The following TMED6 variants were observed in gnomAD, a reference collection of about 807,000 sequenced individuals.
TMED6 encodes transmembrane p24 trafficking protein 6.
TMED6 carries 17 observed loss-of-function variants against 26.5 expected under a neutral mutation model. The observed-to-expected ratio is 0.64, with a 90% confidence interval of 0.44 to 0.96. The LOEUF (loss-of-function observed/expected upper bound fraction) is 0.96, where lower values mean the gene tolerates loss of function less well. Ranked by LOEUF, TMED6 falls within the 40% of genes least tolerant of loss-of-function variation. The pLI is 0.00. For synonymous variants in TMED6, 107 were observed against 106.2 expected (o/e 1.01, Z -0.04); for missense variants, 309 against 296.5 (o/e 1.04, Z -0.31).
chr16:69,348,833 G>A (rs1028277207), intron 2 of TMED6, among the ~76,000 whole-genome samples: 2 of 151,944 alleles, frequency 1.3e-5, no homozygotes, highest in African/African-American at 2.4e-5. Flanking sequence ...CAGGCTGGTC[G>A]CAAACTCCTG....
At chr16:69,350,854 A>G (rs951519660) in intron 1 of TMED6, among the ~76,000 whole-genome samples, 1 of 152,230 alleles carries the variant, frequency 6.6e-6, no homozygotes, top group African/African-American at 2.4e-5. Context: ...TAAGATCAAC[A>G]AAGTCTATTA....
intron 2 of TMED6, 189 bp from the exon 3 acceptor site, chr16:69,348,125 A>G: frequency 1.8e-6 from 1 of 545,918 alleles, no homozygotes; most frequent in Non-Finnish European, 3.0e-6. Flanking sequence ...AATATTACTT[A>G]TTATATTTGG....
intron 3 of TMED6, among the ~76,000 whole-genome samples, chr16:69,346,787 T>C (rs1417200534): frequency 6.6e-6 from 1 of 151,948 alleles, no homozygotes; most frequent in African/African-American, 2.4e-5. Flanking sequence ...AGTCACAAAA[T>C]CCCATGTACT....
chr16:69,346,969 T>C (rs2012695893), intron 3 of TMED6, among the ~76,000 whole-genome samples: 1 of 151,784 alleles, frequency 6.6e-6, no homozygotes, highest in African/African-American at 2.4e-5. Flanking sequence ...GCGCAGGAGG[T>C]TGAGGCTGCA....
At chr16:69,349,287 T>C (rs930728167) in intron 2 of TMED6, among the ~76,000 whole-genome samples, 4 of 152,214 alleles carry the variant, frequency 2.6e-5, no homozygotes, top group African/African-American at 9.6e-5. Flanking sequence ...GATGATGAGA[T>C]AAAATTGAGC....
intron 3 of TMED6, among the ~76,000 whole-genome samples, chr16:69,345,818 A>G (rs1235445216): frequency 6.6e-6 from 1 of 151,912 alleles, no homozygotes; most frequent in African/African-American, 2.4e-5. Flanking sequence ...TGGGACCACA[A>G]GTATGTGCCA....
intron 3 of TMED6, among the ~76,000 whole-genome samples, chr16:69,346,282 A>G (rs1016153856): frequency 2.6e-5 from 4 of 152,264 alleles, no homozygotes; most frequent in Admixed American, 6.5e-5. Context: ...AAAAACTTGC[A>G]TGCAAATGTC....
chr16:69,348,093 A>G (rs1272680340), intron 2 of TMED6, 157 bp from the exon 3 acceptor site: 22 of 747,882 alleles, frequency 2.9e-5, no homozygotes, highest in Non-Finnish European at 4.0e-5. Flanking sequence ...GAAGACACGG[A>G]CCTTATGTTA....
intron 1 of TMED6, among the ~76,000 whole-genome samples, chr16:69,350,490 C>A (rs939938384): frequency 9.2e-5 from 14 of 151,798 alleles, no homozygotes; most frequent in Admixed American, 8.5e-4. Flanking sequence ...AGTAGAGATG[C>A]GTTTTCACCA....
chr16:69,345,871 A>C lies in TMED6; in HGVS notation c.489+1917T>G, dbSNP rs146544469. Among the ~76,000 whole-genome samples, 26 of 152,180 alleles carry C rather than the reference A, an allele frequency of 1.7e-4. No homozygotes were observed. In the East Asian group the frequency reaches 4.8e-3, roughly 28 times the overall value. On this transcript the variant is annotated intron_variant, in intron 3 of 3. Coordinates refer to ENST00000288025, the MANE Select transcript of TMED6 (RefSeq NM_144676.4). Reference sequence around the variant, plus strand: ...AAAAAGTTGTTTTGTTTGTAGAGACAGGGTCTTACCATGTTTCCCAGGCTA... The same window carrying C: ...AAAAAGTTGTTTTGTTTGTAGAGACCGGGTCTTACCATGTTTCCCAGGCTA...
chr16:69,343,440 T>G lies in TMED6; in HGVS notation c.690A>C (p.Pro230=), dbSNP rs1369150032. ...TTGGCTTCTTTGTATCTGTAGTTGT[T>G]GGAACATTGAAGAGACGCTTCAAGA... The part of the protein sequence containing the change: ...LYFLKRLFNV[P]TTTDTKKPRC The change falls in exon 4 of 4, where the codon CCA becomes CCC. Residue 230 remains proline (P), a synonymous_variant. Coordinates refer to ENST00000288025, the MANE Select transcript of TMED6 (RefSeq NM_144676.4). 1.9e-6 allele frequency: 3 copies of G among 1,614,074 alleles called. No homozygotes were observed. The highest frequency in any genetic ancestry group is 1.7e-6 in the Non-Finnish European group (2 of 1,180,042).
chr16:69,349,594 G>A lies in TMED6; in HGVS notation c.271C>T (p.Pro91Ser). The change falls in exon 2 of 4, where the codon CCA (proline) becomes TCA (serine). Residue 91 changes from proline (P) to serine (S), a missense_variant. Physicochemically the swap from Pro to Ser is moderately conservative, Grantham distance 74 (BLOSUM62 -1). Coordinates refer to ENST00000288025, the MANE Select transcript of TMED6 (RefSeq NM_144676.4). ...GAGGTGTCTATGAGAAATCCCTGTG[G>A]GTTATGTGCCGTGGCAGCAACATGC... is the stretch of plus-strand genomic sequence containing the variant. ...DRHVAATAHN[P>S]QGFLIDTSQG... 1.9e-6 allele frequency: 3 copies of A among 1,613,990 alleles called. No individual in the cohort carries two copies. Among genetic ancestry groups the A allele is most frequent in the Non-Finnish European group, 2.5e-6 (3 of 1,179,956 alleles).
At chr16:69,349,410 G>T in intron 2 of TMED6, 115 bp downstream of exon 2, 1 of 1,333,578 alleles carries the variant, frequency 7.5e-7, no homozygotes, top group Non-Finnish European at 1.0e-6. Flanking sequence ...GGTTTTTGGT[G>T]TTAAAGGCTG....
chr16:69,347,352 C>G (rs1395361068), intron 3 of TMED6, among the ~76,000 whole-genome samples: 3 of 152,142 alleles, frequency 2.0e-5, no homozygotes, highest in South Asian at 2.1e-4. Flanking sequence ...GATGGAATTT[C>G]AAGAGCTTCA....
intron 3 of TMED6, among the ~76,000 whole-genome samples, chr16:69,346,041 G>A (rs1016100166): frequency 5.3e-5 from 8 of 152,240 alleles, no homozygotes; most frequent in East Asian, 1.9e-4. Context: ...CAATACGCAC[G>A]TGAAAAGATG....
chr16:69,346,147 G>A (rs1225236302), intron 3 of TMED6, among the ~76,000 whole-genome samples: 1 of 152,200 alleles, frequency 6.6e-6, no homozygotes, highest in African/African-American at 2.4e-5. Context: ...AAGTGTTGAT[G>A]AGGAAGTAGA....
intron 2 of TMED6, 104 bp downstream of exon 2, chr16:69,349,421 A>T: frequency 5.7e-6 from 8 of 1,413,986 alleles, no homozygotes; most frequent in Non-Finnish European, 6.6e-6. Flanking sequence ...TTAAAGGCTG[A>T]ATTTTTTTCC....
At position 69,343,493 on chromosome 16, in the gene TMED6, T is replaced by C. The variant is rs773665936; in HGVS notation, c.637A>G (p.Ile213Val). The change falls in exon 4 of 4, where the codon ATT becomes GTT. Residue 213 changes from isoleucine to valine, a missense_variant. By Grantham distance (29) the Ile-to-Val change is conservative. Coordinates refer to ENST00000288025, the MANE Select transcript of TMED6 (RefSeq NM_144676.4). ...WWSTAQSLVI[I>V]LSGILQLYFL... ...TACAGTTGCAGGATCCCAGAAAGAA[T>C]AATAACAAGGCTCTGGGCTGTCGAC... 8.1e-6 allele frequency: 13 copies of C among 1,614,072 alleles called. No homozygotes were observed. Among genetic ancestry groups the C allele is most frequent in the Non-Finnish European group, 1.1e-5 (13 of 1,180,040 alleles).
At chr16:69,350,141 G>T (rs1172205) in intron 1 of TMED6, among the ~76,000 whole-genome samples, 1 of 151,536 alleles carries the variant, frequency 6.6e-6, no homozygotes, top group South Asian at 2.1e-4. Flanking sequence ...GCATGGTGGC[G>T]TGCGCCTATA....
Sources: allele counts gnomAD v4.1 joint callset (sites outside exome capture counted in the v4.1 genomes callset), GRCh38; gene constraint gnomAD v4.1.1; transcripts MANE v1.5; gene names NCBI Gene and HGNC (gene_info 2026-07-23, HGNC 2026-07-21).